LRP1B: variants seen among roughly 807,000 people sequenced by gnomAD.
The protein encoded by LRP1B is low-density lipoprotein receptor-related protein 1B.
Under a neutral mutation model 556.6 loss-of-function variants are expected in LRP1B, and 217 were observed. That is an observed-to-expected ratio of 0.39 (90% confidence interval 0.35 to 0.44). The LOEUF (loss-of-function observed/expected upper bound fraction) is 0.44, where lower values mean the gene tolerates loss of function less well. LRP1B is among the 20% of genes least tolerant of loss of function. The pLI is 1.00. For synonymous variants in LRP1B, 2,047 were observed against 1,865.8 expected, an observed-to-expected ratio of 1.10 and a Z score of -2.50; for missense variants, 5,053 against 5,620.8, an observed-to-expected ratio of 0.90 and a Z score of 3.23.
rs764826231 is a variant in LRP1B at position 140,256,449 on chromosome 2, CTTTTTTTTTTTTTTTT to C, written c.13248-9303_13248-9288del. ...GGTTTTCTTTTCTCTTTTTTCCTTC[CTTTTTTTTTTTTTTTT>C]TTTTTTTTTTTTTTTTTTTTTTAAG... is the stretch of plus-strand genomic sequence containing the variant. On this transcript the variant is annotated intron_variant, in intron 86 of 90. Transcript: ENST00000389484. Among the ~76,000 whole-genome samples, 29 of 25,328 alleles carry C rather than the reference CTTTTTTTTTTTTTTTT, an allele frequency of 1.1e-3. 1 individual carries two copies. The highest frequency in any genetic ancestry group is 5.3e-3 in the East Asian group (3 of 570). The allele number at this position is 25,328 out of a possible 152,430, so 16.6% of individuals were successfully genotyped here.
intron 1 of LRP1B, among the ~76,000 whole-genome samples, chr2:142,109,511 C>A (rs147769980): frequency 6.6e-6 from 1 of 152,244 alleles, no homozygotes; most frequent in East Asian, 1.9e-4. Flanking sequence ...AACAAAATAA[C>A]ATAACTTGGG....
intron 3 of LRP1B, among the ~76,000 whole-genome samples, chr2:141,335,764 T>C (rs2105504477): frequency 6.6e-6 from 1 of 152,232 alleles, no homozygotes; most frequent in Non-Finnish European, 1.5e-5. Flanking sequence ...CTATGAACTT[T>C]TTAGGAAGGG....
At chr2:141,592,100 C>G (rs1023933116) in intron 2 of LRP1B, among the ~76,000 whole-genome samples, 7 of 152,026 alleles carry the variant, frequency 4.6e-5, no homozygotes, top group Admixed American at 4.6e-4. Flanking sequence ...TCCTCTGCAC[C>G]AACATTGACT....
intron 2 of LRP1B, among the ~76,000 whole-genome samples, chr2:141,657,511 G>A (rs551505043): frequency 2.6e-5 from 4 of 152,210 alleles, no homozygotes; most frequent in Non-Finnish European, 5.9e-5. Context: ...TAAATTAACT[G>A]AATTTCAAGG....
chr2:140,699,841 AT>A (rs1686567232), intron 41 of LRP1B, among the ~76,000 whole-genome samples: 2 of 147,880 alleles, frequency 1.4e-5, no homozygotes, highest in East Asian at 1.9e-4. Flanking sequence ...CAGAAAAAAA[AT>A]CTCTGATGTT....
chr2:141,009,597 T>G (rs1257573842), intron 14 of LRP1B, among the ~76,000 whole-genome samples: 1 of 151,970 alleles, frequency 6.6e-6, no homozygotes, highest in Non-Finnish European at 1.5e-5. Flanking sequence ...CCACCAAACC[T>G]AAAGCTTATT....
intron 3 of LRP1B, among the ~76,000 whole-genome samples, chr2:141,445,907 G>A (rs1259773642): frequency 6.6e-6 from 1 of 152,124 alleles, no homozygotes; most frequent in African/African-American, 2.4e-5. Flanking sequence ...GATTTGGTGT[G>A]GAGAATTCTG....
intron 60 of LRP1B, among the ~76,000 whole-genome samples, chr2:140,474,252 T>C (rs1394584083): frequency 2.6e-5 from 4 of 151,936 alleles, no homozygotes; most frequent in African/African-American, 9.7e-5. Flanking sequence ...CATTGCTTTA[T>C]TCCACACTGG....
At chr2:141,686,634 A>T (rs569391606) in intron 2 of LRP1B, among the ~76,000 whole-genome samples, 1 of 151,968 alleles carries the variant, frequency 6.6e-6, no homozygotes, top group Non-Finnish European at 1.5e-5. Context: ...CTTTACTCTC[A>T]GACAAATCAT....
intron 66 of LRP1B, among the ~76,000 whole-genome samples, chr2:140,395,830 T>C (rs1684223694): frequency 1.3e-5 from 2 of 152,234 alleles, no homozygotes; most frequent in African/African-American, 2.4e-5. Context: ...TTTCAGCAAG[T>C]GTCATATTAC....
chr2:141,198,392 C>T (rs980546144), intron 6 of LRP1B, among the ~76,000 whole-genome samples: 1 of 151,994 alleles, frequency 6.6e-6, no homozygotes, highest in African/African-American at 2.4e-5. Context: ...AAAGACTGTC[C>T]CCATCTATGC....
At chr2:141,400,031 T>A (rs1690391845) in intron 3 of LRP1B, among the ~76,000 whole-genome samples, 1 of 152,124 alleles carries the variant, frequency 6.6e-6, no homozygotes, top group African/African-American at 2.4e-5. Flanking sequence ...TGTCACCCTG[T>A]CTGGAGCGCA....
At chr2:141,172,595 G>C (rs1353579300) in intron 7 of LRP1B, among the ~76,000 whole-genome samples, 1 of 151,948 alleles carries the variant, frequency 6.6e-6, no homozygotes, top group Non-Finnish European at 1.5e-5. Flanking sequence ...TTTATGAGCT[G>C]TTGATATTCA....
At chr2:142,047,777 C>A (rs1288149482) in intron 1 of LRP1B, among the ~76,000 whole-genome samples, 1 of 151,938 alleles carries the variant, frequency 6.6e-6, no homozygotes, top group Non-Finnish European at 1.5e-5. Context: ...TGTTTTGCTT[C>A]TTCCCTGGTC....
chr2:140,501,657 T>G (rs756886553), intron 55 of LRP1B, 30 bp downstream of exon 55: 2 of 1,515,840 alleles, frequency 1.3e-6, no homozygotes, highest in Admixed American at 2.0e-5. Context: ...TAATGTATCG[T>G]ATGATTTGCT....
intron 27 of LRP1B, among the ~76,000 whole-genome samples, chr2:140,853,327 C>T (rs1458124759): frequency 6.6e-6 from 1 of 152,112 alleles, no homozygotes; most frequent in Non-Finnish European, 1.5e-5. Context: ...GATCATACCT[C>T]CTAGCATAAA....
In LRP1B at chr2:140,678,527, A is replaced by C. The variant is rs972632451; in HGVS notation, c.6799+21723T>G. On this transcript the variant is annotated intron_variant, in intron 41 of 90. Transcript: ENST00000389484. ...CTGGACAAGGCATTTTTTCCCCTTT[A>C]AGTAAGCAAATGGATGTATTCTACA... Among the ~76,000 whole-genome samples the C allele has an allele frequency of 9.8e-5, 15 of 152,316 alleles. No individual in the cohort carries two copies. In the East Asian group the frequency reaches 2.9e-3, roughly 29 times the overall value.
chr2:142,126,622 G>A (rs1416980238), intron 1 of LRP1B, among the ~76,000 whole-genome samples: 1 of 151,820 alleles, frequency 6.6e-6, no homozygotes, highest in African/African-American at 2.4e-5. Context: ...TGTTTTGACA[G>A]ACAGCCACAG....
Position 141,387,862 on chromosome 2 carries a change from C to T in LRP1B, c.343+92534G>A, listed in dbSNP as rs562366597. ...GGGAAGAAACTGCAAGAAAAGAAAACTGCATACCAATATCCCTTACGGATA... is the reference window on the plus strand; with the variant it reads ...GGGAAGAAACTGCAAGAAAAGAAAATTGCATACCAATATCCCTTACGGATA... On this transcript the variant is annotated intron_variant, in intron 3 of 90. Coordinates refer to ENST00000389484, the MANE Select transcript of LRP1B (RefSeq NM_018557.3). Among the ~76,000 whole-genome samples, 67 of 152,176 alleles carry T rather than the reference C, an allele frequency of 4.4e-4. 1 individual carries two copies. Among genetic ancestry groups the T allele is most frequent in the Middle Eastern group, 3.4e-3 (1 of 294 alleles).
Sources: gnomAD v4.1 joint callset for allele counts (sites outside exome capture counted in the v4.1 genomes callset) on GRCh38, gnomAD v4.1.1 for gene constraint, MANE v1.5 for transcripts, NCBI Gene and HGNC (gene_info 2026-07-23, HGNC 2026-07-21) for gene names.